The following ANO3 variants were observed in gnomAD, a reference collection of about 807,000 sequenced individuals.
ANO3 encodes anoctamin 3.
ANO3 carries 99 observed loss-of-function variants against 144.8 expected under a neutral mutation model. The ratio of observed to expected loss-of-function variants is 0.68; its 90% confidence interval spans 0.58 to 0.81. The LOEUF (loss-of-function observed/expected upper bound fraction) is 0.81, where lower values mean the gene tolerates loss of function less well. ANO3 is among the 30% of genes least tolerant of loss of function. The probability of loss-of-function intolerance (pLI) is 0.00; values close to 1 mark genes in which losing one functional copy is unlikely to be tolerated. For missense variants in ANO3, 905 were observed against 1,202.2 expected, an observed-to-expected ratio of 0.75 and a Z score of 3.66; for synonymous variants, 414 against 392.6, an observed-to-expected ratio of 1.05 and a Z score of -0.64.
rs184809911 is a variant in ANO3 at position 26,408,376 on chromosome 11, G to T, written c.47-33542G>T. On this transcript the variant is annotated intron_variant, in intron 1 of 26. Transcript: ENST00000256737. ...GCAGCCAAAAAACACATGAAAAAATGCTCATCATCACTGGCCATCAGAGAA... is the reference window on the plus strand; with the variant it reads ...GCAGCCAAAAAACACATGAAAAAATTCTCATCATCACTGGCCATCAGAGAA... 4.8e-3 allele frequency among the ~76,000 whole-genome samples: 727 copies of T among 152,130 alleles called. 7 individuals are homozygous for T. The highest frequency in any genetic ancestry group is 7.3e-3 in the Non-Finnish European group (493 of 67,998).
chr11:26,293,530 CATGTATATATATATAT>C (rs1274760229), intron 1 of ANO3, among the ~76,000 whole-genome samples: 1,451 of 62,424 alleles, frequency 0.023, 107 homozygotes, highest in Admixed American at 0.038. Flanking sequence ...CTATAAATTC[CATGTATATATATATAT>C]ATATATATAT....
chr11:26,640,083 G>A (rs904352758), intron 21 of ANO3, among the ~76,000 whole-genome samples: 2 of 152,220 alleles, frequency 1.3e-5, no homozygotes, highest in East Asian at 1.9e-4. Flanking sequence ...GGTTGTAGAA[G>A]TGATATTAAC....
intron 10 of ANO3, among the ~76,000 whole-genome samples, 154 bp from the exon 11 acceptor site, chr11:26,541,793 A>G (rs986356603): frequency 6.6e-6 from 1 of 152,202 alleles, no homozygotes; most frequent in African/African-American, 2.4e-5. Flanking sequence ...ATGTAAAGGC[A>G]TCCATCACAT....
At chr11:26,412,527 A>G (rs10767527) in intron 1 of ANO3, among the ~76,000 whole-genome samples, 96,547 of 151,728 alleles carry the variant, frequency 0.64, 33,400 homozygotes, top group Admixed American at 0.78. Context: ...GTGTGAAGGT[A>G]TATTTTGAGG....
intron 1 of ANO3, among the ~76,000 whole-genome samples, chr11:26,415,825 A>G (rs1020310011): frequency 2.0e-5 from 3 of 152,102 alleles, no homozygotes; most frequent in Non-Finnish European, 4.4e-5. Context: ...ATTATTTTCT[A>G]TAATGTCAGT....
At chr11:26,420,017 A>G (rs993379330) in intron 1 of ANO3, among the ~76,000 whole-genome samples, 4 of 152,072 alleles carry the variant, frequency 2.6e-5, no homozygotes, top group Non-Finnish European at 5.9e-5. Flanking sequence ...ACAGCCCTTC[A>G]TGACTTTCTT....
At chr11:26,555,198 G>A (rs942402919) in intron 13 of ANO3, among the ~76,000 whole-genome samples, 20 of 152,114 alleles carry the variant, frequency 1.3e-4, no homozygotes, top group African/African-American at 4.8e-4. Flanking sequence ...TTAGAAACAT[G>A]GTTATCTTGT....
chr11:26,376,571 T>G (rs1326199174), intron 1 of ANO3, among the ~76,000 whole-genome samples: 2 of 152,036 alleles, frequency 1.3e-5, no homozygotes, highest in African/African-American at 4.8e-5. Flanking sequence ...CAACCAAAGA[T>G]GTTTCTCAAA....
chr11:26,660,116 T>A, intron 26 of ANO3, 146 bp from the exon 27 acceptor site: 2 of 644,954 alleles, frequency 3.1e-6, no homozygotes, highest in South Asian at 4.4e-5. Flanking sequence ...TCAATATAAT[T>A]TTTGAAAATA....
intron 17 of ANO3, 80 bp from the exon 18 acceptor site, chr11:26,624,382 A>T: frequency 1.1e-6 from 1 of 949,866 alleles, no homozygotes; most frequent in South Asian, 1.5e-5. Context: ...TACATTATAG[A>T]TGTTTCTTCA....
intron 1 of ANO3, among the ~76,000 whole-genome samples, chr11:26,334,430 C>A (rs1855141036): frequency 6.6e-6 from 1 of 152,152 alleles, no homozygotes; most frequent in Admixed American, 6.5e-5. Context: ...ACAACAACAA[C>A]AAAACATTCA....
upstream of ANO3, among the ~76,000 whole-genome samples, chr11:26,305,405 T>C (rs1484981235): frequency 1.3e-5 from 2 of 152,146 alleles, no homozygotes; most frequent in Non-Finnish European, 2.9e-5. Context: ...TTTGATGATA[T>C]TGGCACCCAG....
At chr11:26,600,801 T>TATGACCATGTTCCTC (rs1851781479) in intron 17 of ANO3, among the ~76,000 whole-genome samples, 1 of 151,914 alleles carries the variant, frequency 6.6e-6, no homozygotes, top group Admixed American at 6.6e-5. Context: ...TGACTCTCTC[T>TATGACCATGTTCCTC]ATGACCATGT....
At chr11:26,196,747 T>G (rs1851597199) in intron 1 of ANO3, among the ~76,000 whole-genome samples, 1 of 152,182 alleles carries the variant, frequency 6.6e-6, no homozygotes, top group African/African-American at 2.4e-5. Context: ...CTTCATAAAA[T>G]ACATACACAG....
chr11:26,485,743 G>C (rs1860420548), intron 4 of ANO3, among the ~76,000 whole-genome samples: 1 of 152,026 alleles, frequency 6.6e-6, no homozygotes, highest in Admixed American at 6.6e-5. Flanking sequence ...CTGAAACTAT[G>C]AATGTACTAG....
chr11:26,467,920 T>C (rs1312345670), intron 4 of ANO3, among the ~76,000 whole-genome samples: 1 of 151,908 alleles, frequency 6.6e-6, no homozygotes, highest in African/African-American at 2.4e-5. Context: ...CTGGCCTGAC[T>C]GCAAGCAAAG....
chr11:26,545,175 G>T (rs1372533044), intron 11 of ANO3, among the ~76,000 whole-genome samples: 1 of 152,044 alleles, frequency 6.6e-6, no homozygotes, highest in Admixed American at 6.6e-5. Context: ...TTCAGGACAT[G>T]CATCTCTTAT....
intron 1 of ANO3, among the ~76,000 whole-genome samples, chr11:26,423,683 G>T (rs1387519258): frequency 6.6e-6 from 1 of 151,904 alleles, no homozygotes; most frequent in Non-Finnish European, 1.5e-5. Flanking sequence ...CAAGATCGTG[G>T]ATATAGAATT....
intron 1 of ANO3, among the ~76,000 whole-genome samples, chr11:26,425,876 G>C (rs2134003957): frequency 6.6e-6 from 1 of 152,138 alleles, no homozygotes; most frequent in East Asian, 1.9e-4. Context: ...GGTGTTTTAG[G>C]AGTTTTCAAT....
Sources: allele counts gnomAD v4.1 joint callset (sites outside exome capture counted in the v4.1 genomes callset), GRCh38; gene constraint gnomAD v4.1.1; transcripts MANE v1.5; gene names NCBI Gene and HGNC (gene_info 2026-07-23, HGNC 2026-07-21).